Variants in NMNAT3 observed in about 807,000 individuals in gnomAD.
The protein encoded by NMNAT3 is nicotinamide nucleotide adenylyltransferase 3.
NMNAT3 carries 21 observed loss-of-function variants against 24.8 expected under a neutral mutation model. The ratio of observed to expected loss-of-function variants is 0.85; its 90% CI spans 0.60 to 1.22. NMNAT3 has a LOEUF of 1.22. Ranked by LOEUF, NMNAT3 falls within the 50% of genes most tolerant of loss-of-function variation. The pLI is 0.00. For missense variants in NMNAT3, 387 were observed against 436.6 expected (o/e 0.89, Z 1.01); for synonymous variants, 136 against 155.2 (o/e 0.88, Z 0.92).
At chr3:139,572,045 G>A (rs1170286025) in intron 6 of NMNAT3, 1 of 398,634 alleles carries the variant, frequency 2.5e-6, no homozygotes, top group Non-Finnish European at 4.4e-6. Flanking sequence ...CAGTCATCCT[G>A]CAAGTCTCAG....
At chr3:139,613,798 T>C (rs914930010) in intron 3 of NMNAT3, among the ~76,000 whole-genome samples, 1 of 152,014 alleles carries the variant, frequency 6.6e-6, no homozygotes, top group African/African-American at 2.4e-5. Flanking sequence ...TGGAATACTA[T>C]GCAGCCATAA....
chr3:139,650,470 C>G (rs1457009753), intron 1 of NMNAT3, among the ~76,000 whole-genome samples: 1 of 152,054 alleles, frequency 6.6e-6, no homozygotes, highest in Non-Finnish European at 1.5e-5. Context: ...TGGTCTAAAC[C>G]CCCTGTGTTA....
chr3:139,632,080 T>A (rs1054778813), intron 2 of NMNAT3, among the ~76,000 whole-genome samples: 2 of 152,152 alleles, frequency 1.3e-5, no homozygotes, highest in African/African-American at 4.8e-5. Context: ...TTTAAATTCA[T>A]CTTGGTCCTT....
chr3:139,676,303 G>T (rs1329539761), intron 1 of NMNAT3, among the ~76,000 whole-genome samples: 1 of 152,212 alleles, frequency 6.6e-6, no homozygotes, highest in Non-Finnish European at 1.5e-5. Flanking sequence ...ACAGTGAGCA[G>T]CTGACAGATG....
intron 1 of NMNAT3, among the ~76,000 whole-genome samples, chr3:139,654,051 A>G (rs567391856): frequency 6.6e-5 from 10 of 152,294 alleles, no homozygotes; most frequent in Middle Eastern, 3.4e-3. Context: ...TTACACTGGG[A>G]CAGCTCCCAA....
chr3:139,572,833 A>G (rs1216837245), intron 6 of NMNAT3, among the ~76,000 whole-genome samples: 1 of 152,198 alleles, frequency 6.6e-6, no homozygotes, highest in Non-Finnish European at 1.5e-5. Flanking sequence ...CAGTAGAGAA[A>G]CCACATTAGG....
intron 3 of NMNAT3, among the ~76,000 whole-genome samples, chr3:139,591,727 C>T (rs994187658): frequency 2.2e-4 from 34 of 152,126 alleles, no homozygotes; most frequent in Non-Finnish European, 4.3e-4. Context: ...CTCACAAGGC[C>T]GGGTACTCCA....
chr3:139,592,109 C>T (rs1359821756), intron 3 of NMNAT3, among the ~76,000 whole-genome samples: 1 of 152,204 alleles, frequency 6.6e-6, no homozygotes, highest in East Asian at 1.9e-4. Context: ...CTAACCAATA[C>T]AGAGAAGTGC....
intron 5 of NMNAT3, among the ~76,000 whole-genome samples, chr3:139,578,208 T>A (rs375462319): frequency 3.9e-5 from 6 of 152,188 alleles, no homozygotes; most frequent in Admixed American, 3.3e-4. Flanking sequence ...TGCCCTAACA[T>A]GCAGGGCTGG....
chr3:139,647,187 C>G (rs2056899618), intron 1 of NMNAT3, among the ~76,000 whole-genome samples: 1 of 152,184 alleles, frequency 6.6e-6, no homozygotes, highest in African/African-American at 2.4e-5. Flanking sequence ...TACAGTTGTG[C>G]ATGCAATTCA....
chr3:139,628,134 A>T (rs188478001), intron 2 of NMNAT3, among the ~76,000 whole-genome samples: 7 of 152,316 alleles, frequency 4.6e-5, no homozygotes, highest in African/African-American at 1.2e-4. Context: ...GGAGGGCTAG[A>T]AGACTCCCGT....
At chr3:139,588,358 C>G (rs1459175976) in intron 3 of NMNAT3, among the ~76,000 whole-genome samples, 2 of 152,100 alleles carry the variant, frequency 1.3e-5, no homozygotes, top group Non-Finnish European at 1.5e-5. Context: ...TCCCTACAGA[C>G]AGAATTCCTT....
chr3:139,566,921 G>C (rs1242721925), intron 6 of NMNAT3: 1 of 152,190 alleles, frequency 6.6e-6, no homozygotes, highest in Non-Finnish European at 1.5e-5. Context: ...TAGGTTGATG[G>C]AGATGGCATT....
intron 3 of NMNAT3, among the ~76,000 whole-genome samples, chr3:139,612,213 GT>G (rs2055256607): frequency 6.6e-6 from 1 of 151,142 alleles, no homozygotes; most frequent in Admixed American, 6.6e-5. Context: ...GGAGACCATA[GT>G]TTGGGACTCT....
At chr3:139,608,775 T>C (rs1312902607) in intron 3 of NMNAT3, among the ~76,000 whole-genome samples, 1 of 152,136 alleles carries the variant, frequency 6.6e-6, no homozygotes, top group Non-Finnish European at 1.5e-5. Flanking sequence ...TTCTGTGAAA[T>C]TTCATCCCAT....
At chr3:139,575,413 G>A (rs1240323478) in intron 5 of NMNAT3, among the ~76,000 whole-genome samples, 1 of 152,042 alleles carries the variant, frequency 6.6e-6, no homozygotes, top group African/African-American at 2.4e-5. Context: ...TCTAACTGTA[G>A]GACTTGAAGT....
chr3:139,623,647 A>G (rs562357284), intron 3 of NMNAT3, among the ~76,000 whole-genome samples: 43 of 152,188 alleles, frequency 2.8e-4, no homozygotes, highest in African/African-American at 9.6e-4. Flanking sequence ...GCAGTAGCTC[A>G]ATCTCAGCTC....
intron 1 of NMNAT3, among the ~76,000 whole-genome samples, chr3:139,642,794 G>A (rs1338524138): frequency 2.0e-5 from 3 of 152,082 alleles, no homozygotes; most frequent in African/African-American, 7.2e-5. Context: ...AGGAAGCCCT[G>A]CTTTTCCTGC....
intron 5 of NMNAT3, chr3:139,575,916 G>A (rs1939230413): frequency 2.3e-6 from 3 of 1,286,674 alleles, no homozygotes; most frequent in Middle Eastern, 2.1e-4. Context: ...TGGCTTCAGA[G>A]CTCCACAGAT....
Sources: gnomAD v4.1 joint callset for allele counts (sites outside exome capture counted in the v4.1 genomes callset) on GRCh38, gnomAD v4.1.1 for gene constraint, MANE v1.5 for transcripts, NCBI Gene and HGNC (gene_info 2026-07-23, HGNC 2026-07-21) for gene names.